The following MTDH variants were observed in gnomAD, a reference collection of about 807,000 sequenced individuals.
The protein encoded by MTDH is protein LYRIC.
A neutral mutation model predicts 72.7 loss-of-function variants in MTDH; 34 were observed. The ratio of observed to expected loss-of-function variants is 0.47; its 90% CI spans 0.36 to 0.62. The LOEUF (loss-of-function observed/expected upper bound fraction) is 0.62, where lower values mean the gene tolerates loss of function less well. Among genes scored for constraint, MTDH ranks in the 20% least tolerant of loss-of-function variants. The pLI is 0.00. For synonymous variants in MTDH, 266 were observed against 268.9 expected (o/e 0.99, Z 0.10); for missense variants, 677 against 699.4 (o/e 0.97, Z 0.36).
At position 97,725,463 on chromosome 8, in the gene MTDH, T is replaced by C. The variant is rs1342270906; in HGVS notation, c.*793T>C. The C allele has an allele frequency of 6.6e-6, 1 of 152,560 alleles. No homozygotes were observed. The highest frequency in any genetic ancestry group is 1.9e-4 in the East Asian group (1 of 5,206). The allele number at this position is 152,560 out of a possible 1,614,324, so 9.5% of individuals were successfully genotyped here. A position where few individuals can be genotyped will look rare whatever the true frequency, so the allele number is the denominator to read the frequency against. Reference sequence around the variant, plus strand: ...ACTTTCAGGCAAAATCCAATTTACATTTTTCCCTTCCCTAGCAATTACTTT... The same window carrying C: ...ACTTTCAGGCAAAATCCAATTTACACTTTTCCCTTCCCTAGCAATTACTTT... On this transcript the variant is annotated 3_prime_UTR_variant, in exon 12 of 12. Transcript: ENST00000336273.
chr8:97,705,945 A>G (rs774722707), intron 7 of MTDH, among the ~76,000 whole-genome samples: 2 of 152,248 alleles, frequency 1.3e-5, no homozygotes, highest in African/African-American at 2.4e-5. Context: ...ATAGTGAAAT[A>G]AAGGGATCTG....
Position 97,644,424 on chromosome 8 carries a change from G to T in MTDH, c.-83G>T. On this transcript the variant is annotated 5_prime_UTR_variant, in exon 1 of 12. Coordinates refer to ENST00000336273, the MANE Select transcript of MTDH (RefSeq NM_178812.4). Reference sequence around the variant, plus strand: ...CGCTCGGCCTGAGGTTACCCGGCCCGGCCCTTCCTCGCTTCCCTCGACTAT... The same window carrying T: ...CGCTCGGCCTGAGGTTACCCGGCCCTGCCCTTCCTCGCTTCCCTCGACTAT... 6.7e-7 allele frequency: 1 copy of T among 1,483,566 alleles called. No individual in the cohort carries two copies. The highest frequency in any genetic ancestry group is 8.9e-7 in the Non-Finnish European group (1 of 1,123,444). The allele number at this position is 1,483,566 out of a possible 1,614,324, so 91.9% of individuals were successfully genotyped here.
At position 97,644,650 on chromosome 8, in the gene MTDH, C is replaced by T. The variant is rs34226853; in HGVS notation, c.144C>T (p.Pro48=). The change falls in exon 1 of 12, where the codon CCC becomes CCT. Residue 48 remains proline (P), a synonymous_variant. Transcript: ENST00000336273. ...TGGGGCTGGAGCCGAAACGGTACCCCGGCTGGGTGATCCTGGTGGGCACTG... is the reference window on the plus strand; with the variant it reads ...TGGGGCTGGAGCCGAAACGGTACCCTGGCTGGGTGATCCTGGTGGGCACTG... ...LDLGLEPKRY[P]GWVILVGTGA... is the part of the protein sequence containing the mutation. The T allele has an allele frequency of 5.6e-6, 9 of 1,609,756 alleles. No homozygotes were observed. The Middle Eastern group carries it at 5.1e-4, about 92-fold the overall frequency.
intron 2 of MTDH, among the ~76,000 whole-genome samples, chr8:97,672,571 G>C (rs1019146894): frequency 6.6e-6 from 1 of 152,288 alleles, no homozygotes; most frequent in African/African-American, 2.4e-5. Flanking sequence ...AGACTTTTCT[G>C]TCTGAACTGC....
chr8:97,645,087 A>G (rs369795104), intron 1 of MTDH, among the ~76,000 whole-genome samples, 200 bp downstream of exon 1: 4 of 152,220 alleles, frequency 2.6e-5, no homozygotes, highest in East Asian at 3.9e-4. Flanking sequence ...GTATAGGACG[A>G]GTGGGGAAGC....
rs112551582 is a variant in MTDH at position 97,724,857 on chromosome 8, C to T, written c.*187C>T. 1.9e-5 allele frequency: 9 copies of T among 467,446 alleles called. No individual in the cohort carries two copies. The highest frequency in any genetic ancestry group is 7.3e-5 in the East Asian group (2 of 27,410). 29.0% of individuals were successfully genotyped at this position (467,446 alleles called of 1,614,324 possible). A position where few individuals can be genotyped will look rare whatever the true frequency, so the allele number is the denominator to read the frequency against. On this transcript the variant is annotated 3_prime_UTR_variant, in exon 12 of 12. Transcript: ENST00000336273. ...TTAATTTATGAAATTAAGAGGTCAG[C>T]AGAATATACTCAGTGATGGAAGACA...
intron 1 of MTDH, among the ~76,000 whole-genome samples, chr8:97,645,737 A>G (rs1308302773): frequency 6.6e-6 from 1 of 152,184 alleles, no homozygotes; most frequent in African/African-American, 2.4e-5. Flanking sequence ...TTTTACGTTT[A>G]CATTCTTTAT....
intron 6 of MTDH, among the ~76,000 whole-genome samples, chr8:97,692,099 G>A (rs116603635): frequency 1.9e-3 from 282 of 152,198 alleles, no homozygotes; most frequent in African/African-American, 6.6e-3. Context: ...GAGGCTGATC[G>A]TGAACTCCTG....
chr8:97,655,396 AAAAG>A (rs1249562926), intron 1 of MTDH, among the ~76,000 whole-genome samples: 1 of 152,308 alleles, frequency 6.6e-6, no homozygotes, highest in East Asian at 1.9e-4. Context: ...CAGTTTTTTA[AAAAG>A]AAAGATAACA....
Position 97,726,238 on chromosome 8 carries a change from A to G in MTDH, c.*1568A>G, listed in dbSNP as rs1450141751. The G allele has an allele frequency of 6.5e-6, 1 of 152,694 alleles. No individual in the cohort carries two copies. The allele number at this position is 152,694 out of a possible 1,614,324, so 9.5% of individuals were successfully genotyped here. A position where few individuals can be genotyped will look rare whatever the true frequency, so the allele number is the denominator to read the frequency against. On this transcript the variant is annotated 3_prime_UTR_variant, in exon 12 of 12. Coordinates refer to ENST00000336273, the MANE Select transcript of MTDH (RefSeq NM_178812.4). ...ACATCTGTTTCAGGAACATGGCAGT[A>G]TGTTTACATGTCAGAAGTTTTGTTT...
chr8:97,698,575 C>A (rs994461183), intron 6 of MTDH, among the ~76,000 whole-genome samples: 2 of 152,212 alleles, frequency 1.3e-5, no homozygotes, highest in African/African-American at 2.4e-5. Flanking sequence ...ATTTTGTTTT[C>A]TTTAAATGCA....
chr8:97,664,029 C>A (rs746370209), intron 2 of MTDH, among the ~76,000 whole-genome samples: 1 of 152,084 alleles, frequency 6.6e-6, no homozygotes, highest in Non-Finnish European at 1.5e-5. Context: ...GATAAGGGCT[C>A]CAGTGCCTAG....
chr8:97,668,192 C>T (rs1812466773), intron 2 of MTDH, among the ~76,000 whole-genome samples: 1 of 152,052 alleles, frequency 6.6e-6, no homozygotes, highest in South Asian at 2.1e-4. Flanking sequence ...GAGGCTGAGG[C>T]AGGAGAATGG....
intron 1 of MTDH, among the ~76,000 whole-genome samples, chr8:97,648,803 C>T (rs1325071204): frequency 6.6e-6 from 1 of 152,230 alleles, no homozygotes; most frequent in Non-Finnish European, 1.5e-5. Flanking sequence ...TAGCCTTGCA[C>T]AGTGCTTGGT....
chr8:97,720,991 C>G (rs1479430112), intron 10 of MTDH, among the ~76,000 whole-genome samples: 1 of 151,764 alleles, frequency 6.6e-6, no homozygotes, highest in Non-Finnish European at 1.5e-5. Flanking sequence ...TTTTCAGAAG[C>G]CATCTTATGA....
chr8:97,687,128 A>AC (rs1813397508), intron 3 of MTDH, among the ~76,000 whole-genome samples: 2 of 152,082 alleles, frequency 1.3e-5, no homozygotes, highest in Non-Finnish European at 2.9e-5. Flanking sequence ...TACTCCTGTC[A>AC]CTTCTACCTA....
At chr8:97,687,647 C>A in intron 4 of MTDH, 42 bp downstream of exon 4, 1 of 1,457,970 alleles carries the variant, frequency 6.9e-7, no homozygotes, top group Non-Finnish European at 9.2e-7. Context: ...TCAAATCAAA[C>A]TCCTTTTATT....
chr8:97,721,594 T>C (rs1815126955), intron 10 of MTDH, among the ~76,000 whole-genome samples: 1 of 152,242 alleles, frequency 6.6e-6, no homozygotes, highest in African/African-American at 2.4e-5. Flanking sequence ...AGAGAAGCAT[T>C]ACTTACCCTT....
At chr8:97,697,472 G>A (rs1167446226) in intron 6 of MTDH, among the ~76,000 whole-genome samples, 2 of 129,590 alleles carry the variant, frequency 1.5e-5, no homozygotes, top group Non-Finnish European at 3.1e-5. Context: ...GGCAACCTCC[G>A]CCTCCCTGGT....
Sources: allele counts gnomAD v4.1 joint callset (sites outside exome capture counted in the v4.1 genomes callset), GRCh38; gene constraint gnomAD v4.1.1; transcripts MANE v1.5; gene names NCBI Gene and HGNC (gene_info 2026-07-23, HGNC 2026-07-21).